Variants in AK9 observed in about 807,000 individuals in gnomAD.
The protein encoded by AK9 is adenylate kinase domain containing 1.
A neutral mutation model predicts 239.6 loss-of-function variants in AK9; 191 were observed. The ratio of observed to expected loss-of-function variants is 0.80; its 90% CI spans 0.71 to 0.90. The LOEUF (loss-of-function observed/expected upper bound fraction) is 0.90, where lower values mean the gene tolerates loss of function less well. Ranked by LOEUF, AK9 falls within the 40% of genes least tolerant of loss-of-function variation. The pLI, the probability that AK9 is intolerant of heterozygous loss-of-function variation, is 0.00. For missense variants in AK9, 1,995 were observed against 2,214.7 expected (o/e 0.90, Z 1.99); for synonymous variants, 689 against 721.0 (o/e 0.96, Z 0.71).
intron 1 of AK9, among the ~76,000 whole-genome samples, chr6:109,688,354 G>GT (rs1294380890): frequency 6.6e-6 from 1 of 152,170 alleles, no homozygotes; most frequent in Non-Finnish European, 1.5e-5. Context: ...ATATGGGCTT[G>GT]TTTTTCCTAC....
chr6:109,554,470 T>C (rs887891910), intron 24 of AK9, among the ~76,000 whole-genome samples: 10 of 152,146 alleles, frequency 6.6e-5, no homozygotes, highest in African/African-American at 2.4e-4. Context: ...CTAGATTTTC[T>C]AGTTTATTTG....
At chr6:109,622,519 G>T (rs1794998649) in intron 12 of AK9, among the ~76,000 whole-genome samples, 1 of 54,556 alleles carries the variant, frequency 1.8e-5, no homozygotes, top group Non-Finnish European at 2.7e-5. Flanking sequence ...TATAAATCAG[G>T]ATAATACAAT....
chr6:109,603,311 G>A (rs1268027845), intron 17 of AK9, among the ~76,000 whole-genome samples: 1 of 152,178 alleles, frequency 6.6e-6, no homozygotes, highest in Non-Finnish European at 1.5e-5. Flanking sequence ...TCAGCTGCAG[G>A]TCTGTTGGAG....
At chr6:109,508,454 T>C (rs1778340896) in intron 33 of AK9, among the ~76,000 whole-genome samples, 1 of 152,140 alleles carries the variant, frequency 6.6e-6, no homozygotes. Context: ...CCCGGGCCTT[T>C]TCTGGGGATA....
chr6:109,569,872 C>T (rs142185539), intron 21 of AK9, among the ~76,000 whole-genome samples: 6,533 of 152,218 alleles, frequency 0.043, 183 homozygotes, highest in South Asian at 0.089. Context: ...GACAATGGGG[C>T]GATTCCTCAA....
At chr6:109,494,196 T>C (rs1251855523) in intron 39 of AK9, 101 bp from the exon 40 acceptor site, 7 of 780,104 alleles carry the variant, frequency 9.0e-6, no homozygotes, top group Admixed American at 2.3e-5. Context: ...TTGCCTCAAA[T>C]AGCCCCCTGG....
intron 13 of AK9, among the ~76,000 whole-genome samples, chr6:109,617,340 A>G (rs944021007): frequency 1.3e-5 from 2 of 152,138 alleles, no homozygotes; most frequent in African/African-American, 4.8e-5. Context: ...TCATGGAACA[A>G]ATGAAGAAAT....
chr6:109,606,120 T>C (rs1171068272), intron 17 of AK9, among the ~76,000 whole-genome samples: 3 of 152,202 alleles, frequency 2.0e-5, no homozygotes, highest in Non-Finnish European at 4.4e-5. Context: ...ATAACATTTT[T>C]ATACATTACT....
chr6:109,593,398 G>A (rs878871584), intron 17 of AK9, among the ~76,000 whole-genome samples: 1 of 152,018 alleles, frequency 6.6e-6, no homozygotes, highest in Admixed American at 6.6e-5. Context: ...AAAAAGCCCA[G>A]GACCAGATGG....
At chr6:109,507,344 GAA>G (rs60973066) in intron 33 of AK9, among the ~76,000 whole-genome samples, 35 of 149,414 alleles carry the variant, frequency 2.3e-4, no homozygotes, top group African/African-American at 6.4e-4. Flanking sequence ...AGCCAATATG[GAA>G]AAAAAAAAAG....
intron 5 of AK9, among the ~76,000 whole-genome samples, chr6:109,665,726 T>C (rs1801094192): frequency 6.6e-6 from 1 of 152,206 alleles, no homozygotes; most frequent in Admixed American, 6.5e-5. Context: ...TCCTCCAAGT[T>C]AGACAGTTCC....
chr6:109,666,751 C>G (rs537864431), intron 5 of AK9, among the ~76,000 whole-genome samples: 1 of 152,322 alleles, frequency 6.6e-6, no homozygotes, highest in East Asian at 1.9e-4. Context: ...TATCAGGTAG[C>G]TTTGTGTTCA....
At chr6:109,690,814 A>G (rs1774269749) in intron 1 of AK9, 1 of 153,922 alleles carries the variant, frequency 6.5e-6, no homozygotes, top group Non-Finnish European at 1.4e-5. Flanking sequence ...TCAAGTGGCT[A>G]GCCTCACGCA....
In AK9 at chr6:109,656,990, G is replaced by C. The variant is rs916183246; in HGVS notation, c.631-106C>G. The stretch of plus-strand genomic sequence containing the variant: ...CCTAGATATCATTTTGGGGTGAGAA[G>C]CAGGGGGAGGGGACGATTAAAGATT... On this transcript the variant is annotated intron_variant, in intron 7 of 40. Coordinates refer to ENST00000424296, the MANE Select transcript of AK9 (RefSeq NM_001145128.3). 4 of 1,312,888 alleles carry C rather than the reference G, an allele frequency of 3.0e-6. No individual in the cohort carries two copies. The Admixed American group carries it at 7.0e-5, about 23-fold the overall frequency. 81.3% of individuals were successfully genotyped at this position (1,312,888 alleles called of 1,614,324 possible). A position where few individuals can be genotyped will look rare whatever the true frequency, so the allele number is the denominator to read the frequency against.
intron 13 of AK9, among the ~76,000 whole-genome samples, chr6:109,616,613 G>T (rs549396776): frequency 6.6e-6 from 1 of 152,016 alleles, no homozygotes; most frequent in East Asian, 1.9e-4. Context: ...TTAGCCTCAA[G>T]AGATCGTCCC....
intron 32 of AK9, among the ~76,000 whole-genome samples, chr6:109,510,647 T>C (rs1269111864): frequency 1.3e-5 from 2 of 152,128 alleles, no homozygotes; most frequent in African/African-American, 4.8e-5. Context: ...AGTCACCCAC[T>C]GTGGGTCTCC....
intron 35 of AK9, among the ~76,000 whole-genome samples, chr6:109,505,775 T>G (rs1016736411): frequency 1.3e-5 from 2 of 152,192 alleles, no homozygotes; most frequent in African/African-American, 4.8e-5. Flanking sequence ...GTAGCGGCAG[T>G]CATTTATTAG....
chr6:109,639,873 C>A (rs1002835706), intron 10 of AK9, among the ~76,000 whole-genome samples: 2 of 152,178 alleles, frequency 1.3e-5, no homozygotes, highest in Non-Finnish European at 2.9e-5. Context: ...ATATGGCTAG[C>A]CAGTTTTCCC....
At chr6:109,564,723 T>C (rs930110185) in intron 22 of AK9, 33 bp downstream of exon 22, 16 of 1,466,618 alleles carry the variant, frequency 1.1e-5, no homozygotes, top group Middle Eastern at 1.7e-4. Context: ...AAAGTACTTT[T>C]ATGCAAGAAC....
Sources: gnomAD v4.1 joint callset for allele counts (sites outside exome capture counted in the v4.1 genomes callset) on GRCh38, gnomAD v4.1.1 for gene constraint, MANE v1.5 for transcripts, NCBI Gene and HGNC (gene_info 2026-07-23, HGNC 2026-07-21) for gene names.